The following SETBP1 variants were observed in gnomAD, a reference collection of about 807,000 sequenced individuals.
SETBP1 encodes the protein SET-binding protein.
A neutral mutation model predicts 101.0 loss-of-function variants in SETBP1; 9 were observed. That is an observed-to-expected ratio of 0.09 (90% CI 0.05 to 0.16). The LOEUF is 0.16. SETBP1 is among the 10% of genes least tolerant of loss of function. The pLI is 1.00. For missense variants in SETBP1, 1,858 were observed against 2,033.8 expected (o/e 0.91, Z 1.66); for synonymous variants, 818 against 788.5 (o/e 1.04, Z -0.63).
chr18:45,010,558 G>A lies in SETBP1; in HGVS notation c.4001-27927G>A, dbSNP rs143783462. Among the ~76,000 whole-genome samples the A allele has an allele frequency of 2.6e-3, 403 of 152,270 alleles. 1 individual carries two copies. The highest frequency in any genetic ancestry group is 7.3e-3 in the Admixed American group (112 of 15,284). On this transcript the variant is annotated intron_variant, in intron 4 of 5. Transcript: ENST00000649279. ...ATAACTAAGCACATACAAAGGCATCGCAGACATTTTTCCAAAACATAATGC... is the reference window on the plus strand; with the variant it reads ...ATAACTAAGCACATACAAAGGCATCACAGACATTTTTCCAAAACATAATGC...
Position 44,950,877 on chromosome 18 carries a change from T to C in SETBP1, c.1537T>C (p.Ser513Pro), listed in dbSNP as rs1045476042. The C allele has an allele frequency of 1.2e-4, 189 of 1,613,932 alleles. No individual in the cohort carries two copies. The highest frequency in any genetic ancestry group is 1.6e-4 in the Non-Finnish European group (184 of 1,180,016). Residue 513 changes from serine (S) to proline (P), a missense_variant, in exon 4 of 6, where the codon TCT becomes CCT. This residue lies in a region of SETBP1 where 581 missense variants were observed against 535.1 expected (regional missense o/e 1.09). Coordinates refer to ENST00000649279, the MANE Select transcript of SETBP1 (RefSeq NM_015559.3). ...GACACCTCCAACGTGCACAGATCAC[T>C]CTCCATCCAGAAAGCTGCCAGAAAT... ...VMTPPTCTDH[S>P]PSRKLPEIQH...
At chr18:44,911,332 G>A (rs1013374947) in intron 3 of SETBP1, among the ~76,000 whole-genome samples, 1 of 152,178 alleles carries the variant, frequency 6.6e-6, no homozygotes, top group African/African-American at 2.4e-5. Flanking sequence ...TGTGGGGTTT[G>A]TCATTACTTT....
intron 2 of SETBP1, among the ~76,000 whole-genome samples, chr18:44,820,697 T>C (rs974938150): frequency 3.3e-5 from 5 of 152,228 alleles, no homozygotes; most frequent in Admixed American, 6.5e-5. Context: ...AGGGTTGGAA[T>C]GATTCCAGTT....
intron 5 of SETBP1, among the ~76,000 whole-genome samples, chr18:45,044,592 C>T (rs938535946): frequency 7.2e-5 from 11 of 152,174 alleles, no homozygotes; most frequent in African/African-American, 2.7e-4. Flanking sequence ...CCTAGAGCAG[C>T]TGAGCTTCTC....
intron 1 of SETBP1, among the ~76,000 whole-genome samples, chr18:44,686,517 T>C (rs1187829998): frequency 6.6e-6 from 1 of 152,186 alleles, no homozygotes; most frequent in African/African-American, 2.4e-5. Context: ...ACCCCACTTA[T>C]GCTGCCTTGC....
intron 2 of SETBP1, among the ~76,000 whole-genome samples, chr18:44,822,490 T>G (rs1327540659): frequency 6.6e-6 from 1 of 152,146 alleles, no homozygotes; most frequent in Non-Finnish European, 1.5e-5. Flanking sequence ...GAGTAAAGGG[T>G]GTTTAAATTC....
At chr18:44,953,599 C>G (rs1402647674) in intron 4 of SETBP1, among the ~76,000 whole-genome samples, 1 of 152,196 alleles carries the variant, frequency 6.6e-6, no homozygotes. Flanking sequence ...AGGCTGCAGT[C>G]GTGCCCACTA....
chr18:44,787,860 CAAAAAA>C (rs11399627), intron 2 of SETBP1, among the ~76,000 whole-genome samples: 1,596 of 9,240 alleles, frequency 0.17, 163 homozygotes, highest in Middle Eastern at 0.29. Flanking sequence ...GAGTCCGTCT[CAAAAAA>C]AAAAAAAAAA....
chr18:44,814,252 A>G (rs937156897), intron 2 of SETBP1, among the ~76,000 whole-genome samples: 1 of 152,192 alleles, frequency 6.6e-6, no homozygotes, highest in African/African-American at 2.4e-5. Flanking sequence ...ATAAGAATAT[A>G]TCAAGAACTT....
intron 1 of SETBP1, among the ~76,000 whole-genome samples, chr18:44,684,858 G>A (rs925818223): frequency 1.2e-4 from 19 of 152,024 alleles, no homozygotes; most frequent in Non-Finnish European, 2.5e-4. Flanking sequence ...TGTTGGCCAG[G>A]CTGCTCTTGA....
chr18:44,910,387 A>C (rs571605074), intron 3 of SETBP1, among the ~76,000 whole-genome samples: 1 of 152,312 alleles, frequency 6.6e-6, no homozygotes, highest in East Asian at 1.9e-4. Flanking sequence ...GCTCCATTGA[A>C]ACCAAATCTG....
Position 44,952,062 on chromosome 18 carries a change from G to C in SETBP1, c.2722G>C (p.Asp908His). Reference protein sequence around the residue: ...SLDNPEAIPSDTSTKNRHGHR... With the variant: ...SLDNPEAIPSHTSTKNRHGHR... Reference sequence around the variant, plus strand: ...GGACAACCCGGAGGCCATTCCGTCCGACACCAGCACAAAGAACCGGCATGG... The same window carrying C: ...GGACAACCCGGAGGCCATTCCGTCCCACACCAGCACAAAGAACCGGCATGG... Residue 908 changes from aspartate to histidine, a missense_variant, in exon 4 of 6, where the codon GAC becomes CAC. Coordinates refer to ENST00000649279, the MANE Select transcript of SETBP1 (RefSeq NM_015559.3). 1.2e-6 allele frequency: 2 copies of C among 1,614,040 alleles called. No homozygotes were observed. Among genetic ancestry groups the C allele is most frequent in the Non-Finnish European group, 1.7e-6 (2 of 1,180,016 alleles).
chr18:44,684,003 C>G (rs983495875), intron 1 of SETBP1, among the ~76,000 whole-genome samples: 9 of 152,150 alleles, frequency 5.9e-5, no homozygotes, highest in African/African-American at 2.2e-4. Context: ...TGTGAGAGTC[C>G]TACCAGAGGC....
chr18:44,944,387 AG>A (rs1246160391), intron 3 of SETBP1, among the ~76,000 whole-genome samples: 1 of 152,212 alleles, frequency 6.6e-6, no homozygotes, highest in Non-Finnish European at 1.5e-5. Context: ...ACTCCAGAGA[AG>A]AAATGTGGTG....
chr18:45,060,934 T>C (rs1236946865), intron 5 of SETBP1, among the ~76,000 whole-genome samples: 1 of 152,252 alleles, frequency 6.6e-6, no homozygotes, highest in Non-Finnish European at 1.5e-5. Context: ...CTAATTGATT[T>C]ACTTTATACT....
At chr18:44,948,751 G>A (rs1416815011) in intron 3 of SETBP1, among the ~76,000 whole-genome samples, 1 of 152,250 alleles carries the variant, frequency 6.6e-6, no homozygotes, top group Non-Finnish European at 1.5e-5. Context: ...ATCTGGAACA[G>A]TGAAAGCATA....
intron 3 of SETBP1, among the ~76,000 whole-genome samples, chr18:44,888,567 T>G (rs1219696802): frequency 6.6e-6 from 1 of 152,164 alleles, no homozygotes; most frequent in Non-Finnish European, 1.5e-5. Flanking sequence ...ATTAAAACTG[T>G]CACAATCAGC....
At chr18:44,753,365 A>C (rs1006702353) in intron 2 of SETBP1, among the ~76,000 whole-genome samples, 10 of 152,178 alleles carry the variant, frequency 6.6e-5, no homozygotes, top group Non-Finnish European at 2.9e-5. Context: ...CATCCATGGG[A>C]AACATCATTT....
intron 3 of SETBP1, among the ~76,000 whole-genome samples, chr18:44,924,449 G>A (rs1357860049): frequency 6.6e-6 from 1 of 152,120 alleles, no homozygotes; most frequent in Non-Finnish European, 1.5e-5. Flanking sequence ...AAGAATAGTT[G>A]CATTTTAGTA....
Sources: allele counts gnomAD v4.1 joint callset (sites outside exome capture counted in the v4.1 genomes callset), GRCh38; gene constraint gnomAD v4.1.1; regional missense constraint gnomAD v4.1.1; transcripts MANE v1.5; gene names NCBI Gene and HGNC (gene_info 2026-07-23, HGNC 2026-07-21).